PIGF: variants seen among roughly 807,000 people sequenced by gnomAD.
PIGF encodes GPI ethanolamine phosphate transferase, stabilizing subunit.
Under a neutral mutation model 26.0 loss-of-function variants are expected in PIGF, and 23 were observed. That is an observed-to-expected ratio of 0.88 (90% confidence interval 0.64 to 1.25). The LOEUF (loss-of-function observed/expected upper bound fraction) is 1.25, where lower values mean the gene tolerates loss of function less well. Among genes scored for constraint, PIGF ranks in the 50% most tolerant of loss-of-function variants. The probability of loss-of-function intolerance (pLI) is 0.00; values close to 1 mark genes in which losing one functional copy is unlikely to be tolerated. For missense variants in PIGF, 278 were observed against 249.9 expected (o/e 1.11, Z -0.76); for synonymous variants, 93 against 92.6 (o/e 1.00, Z -0.03).
At chr2:46,608,188 A>G (rs1014047007) in intron 4 of PIGF, among the ~76,000 whole-genome samples, 1 of 152,298 alleles carries the variant, frequency 6.6e-6, no homozygotes, top group South Asian at 2.1e-4. Context: ...AGTTTATGCA[A>G]TATCCTAAAT....
chr2:46,601,530 A>G (rs1366158590), intron 4 of PIGF, among the ~76,000 whole-genome samples: 1 of 152,118 alleles, frequency 6.6e-6, no homozygotes, highest in Non-Finnish European at 1.5e-5. Context: ...TAGTCTCTTC[A>G]TCTAAAAAAG....
At chr2:46,616,049 A>G (rs1558714653) in intron 1 of PIGF, 1 of 151,108 alleles carries the variant, frequency 6.6e-6, no homozygotes, top group African/African-American at 2.4e-5. Context: ...ACACACGCAC[A>G]CGCGCGCGCG....
At chr2:46,605,317 A>C (rs1338440868) in intron 4 of PIGF, among the ~76,000 whole-genome samples, 2 of 152,128 alleles carry the variant, frequency 1.3e-5, no homozygotes, top group African/African-American at 4.8e-5. Context: ...ATAAAGACTT[A>C]GATTCTTCTC....
At chr2:46,608,140 C>T (rs550126360) in intron 4 of PIGF, among the ~76,000 whole-genome samples, 4 of 152,184 alleles carry the variant, frequency 2.6e-5, no homozygotes, top group Non-Finnish European at 5.9e-5. Context: ...TTGGAGTCAA[C>T]CCTCTCAAAC....
intron 4 of PIGF, among the ~76,000 whole-genome samples, chr2:46,601,485 GTGTT>G (rs1015935411): frequency 2.0e-5 from 3 of 152,094 alleles, no homozygotes; most frequent in South Asian, 2.1e-4. Context: ...CATCAAAATA[GTGTT>G]TGTTTAAATA....
intron 4 of PIGF, among the ~76,000 whole-genome samples, chr2:46,593,676 C>A (rs527854785): frequency 6.6e-6 from 1 of 152,258 alleles, no homozygotes; most frequent in South Asian, 2.1e-4. Flanking sequence ...GAACAGGAGT[C>A]TGGTTACAGT....
chr2:46,616,365 A>G (rs1670627504), intron 1 of PIGF: 1 of 152,394 alleles, frequency 6.6e-6, no homozygotes, highest in Non-Finnish European at 1.5e-5. Context: ...TTCTCTCAAC[A>G]GATAGCCCTT....
At chr2:46,601,227 T>C (rs755919819) in intron 4 of PIGF, among the ~76,000 whole-genome samples, 9 of 152,058 alleles carry the variant, frequency 5.9e-5, no homozygotes, top group Non-Finnish European at 1.2e-4. Flanking sequence ...GCACAGTCAA[T>C]AGGGCTCAGA....
At chr2:46,597,516 G>A (rs921034607) in intron 4 of PIGF, among the ~76,000 whole-genome samples, 5 of 151,914 alleles carry the variant, frequency 3.3e-5, no homozygotes, top group African/African-American at 1.2e-4. Context: ...GGGCTCAAGC[G>A]ATTCTCCTGC....
At chr2:46,607,284 GCAACC>G (rs1275913942) in intron 4 of PIGF, among the ~76,000 whole-genome samples, 1 of 152,042 alleles carries the variant, frequency 6.6e-6, no homozygotes, top group African/African-American at 2.4e-5. Flanking sequence ...CTCACAATAG[GCAACC>G]CTTCTCATGT....
At position 46,592,586 on chromosome 2, in the gene PIGF, G is replaced by C; in HGVS notation, c.438-3C>G. On this transcript the variant is annotated splice_polypyrimidine_tract_variant and splice_region_variant and intron_variant, in intron 4 of 5. Transcript: ENST00000281382. The stretch of plus-strand genomic sequence containing the variant: ...TATTCTCCCATATGGATGTAACTCT[G>C]TGAAACACAAATTGGTACATCGTTG... 1 of 1,484,112 alleles carries C rather than the reference G, an allele frequency of 6.7e-7. No individual in the cohort carries two copies. Among genetic ancestry groups the C allele is most frequent in the South Asian group, 1.1e-5 (1 of 88,404 alleles). 91.9% of individuals were successfully genotyped at this position (1,484,112 alleles called of 1,614,324 possible).
In PIGF at chr2:46,581,311, A is replaced by G; in HGVS notation, c.*167T>C. ...CTATTATAAATACTTTATTTCAACTAGAAGGTACAATCTCTCAGGGGTTTC... is the reference window on the plus strand; with the variant it reads ...CTATTATAAATACTTTATTTCAACTGGAAGGTACAATCTCTCAGGGGTTTC... On this transcript the variant is annotated 3_prime_UTR_variant, in exon 6 of 6. Coordinates refer to ENST00000281382, the MANE Select transcript of PIGF (RefSeq NM_002643.4). The G allele has an allele frequency of 9.6e-7, 1 of 1,038,416 alleles. No homozygotes were observed. The highest frequency in any genetic ancestry group is 1.4e-6 in the Non-Finnish European group (1 of 726,148). The allele number at this position is 1,038,416 out of a possible 1,614,324, so 64.3% of individuals were successfully genotyped here. A position where few individuals can be genotyped will look rare whatever the true frequency, so the allele number is the denominator to read the frequency against.
At chr2:46,607,153 T>G (rs1553426583) in intron 4 of PIGF, among the ~76,000 whole-genome samples, 1 of 152,182 alleles carries the variant, frequency 6.6e-6, no homozygotes, top group Non-Finnish European at 1.5e-5. Context: ...CTCAATACTG[T>G]TTTAAAAAAT....
intron 5 of PIGF, chr2:46,591,489 A>G: frequency 1.2e-6 from 1 of 811,308 alleles, no homozygotes; most frequent in Non-Finnish European, 1.5e-6. Context: ...AAAAGAAAGC[A>G]CATTTATTTT....
chr2:46,593,002 C>T (rs533269747), intron 4 of PIGF, among the ~76,000 whole-genome samples: 2 of 152,240 alleles, frequency 1.3e-5, no homozygotes, highest in South Asian at 4.1e-4. Flanking sequence ...TACACATGTA[C>T]ATATGTATAT....
rs577344942 is a variant in PIGF at position 46,589,157 on chromosome 2, C to T, written c.546+3318G>A. 6.6e-6 allele frequency among the ~76,000 whole-genome samples: 1 copy of T among 152,138 alleles called. No homozygotes were observed. The highest frequency in any genetic ancestry group is 1.5e-5 in the Non-Finnish European group (1 of 67,914). On this transcript the variant is annotated intron_variant, in intron 5 of 5. Coordinates refer to ENST00000281382, the MANE Select transcript of PIGF (RefSeq NM_002643.4). This position sits in a 1 kb window ranked among gnomAD's most constrained non-coding sequence, Gnocchi z 4.7. ...AACAGTATAATGGGTAGCTACCCTA[C>T]CATATTCTCTTTAACCATATCCCCT...
rs1264266905 is a variant in PIGF, at chr2:46,597,871, CAA to C, written c.438-5290_438-5289del. On this transcript the variant is annotated intron_variant, in intron 4 of 5. Coordinates refer to ENST00000281382, the MANE Select transcript of PIGF (RefSeq NM_002643.4). ...TTATTGCTGGTTATCAAAAATTTCA[CAA>C]AAATGTTTTTTAAAGTGTTTTTTCA... Among the ~76,000 whole-genome samples, 3 of 152,136 alleles carry C rather than the reference CAA, an allele frequency of 2.0e-5. No homozygotes were observed. In the East Asian group the frequency reaches 5.8e-4, roughly 29 times the overall value.
At chr2:46,583,175 A>C (rs541043511) in intron 5 of PIGF, 5 of 152,220 alleles carry the variant, frequency 3.3e-5, no homozygotes, top group Middle Eastern at 3.4e-3. Context: ...TCCAATTCAT[A>C]TCTCTGAAAC....
chr2:46,593,786 T>C (rs1397673531), intron 4 of PIGF, among the ~76,000 whole-genome samples: 2 of 152,208 alleles, frequency 1.3e-5, no homozygotes, highest in Non-Finnish European at 2.9e-5. Context: ...CTAGATAGTA[T>C]GGGGGAAAAC....
Sources: gnomAD v4.1 joint callset for allele counts (sites outside exome capture counted in the v4.1 genomes callset) on GRCh38, gnomAD v4.1.1 for gene constraint, Gnocchi (gnomAD v3.1) non-coding constraint, MANE v1.5 for transcripts, NCBI Gene and HGNC (gene_info 2026-07-23, HGNC 2026-07-21) for gene names.